SMPD4: variants seen among roughly 807,000 people sequenced by gnomAD.
SMPD4 encodes neutral sphingomyelinase 3.
A neutral mutation model predicts 97.8 loss-of-function variants in SMPD4; 58 were observed. That is an observed-to-expected ratio of 0.59 (90% CI 0.48 to 0.74). The LOEUF (loss-of-function observed/expected upper bound fraction) is 0.74. Ranked by LOEUF, SMPD4 falls within the 30% of genes least tolerant of loss-of-function variation. SMPD4 has a pLI of 0.00. For missense variants in SMPD4, 853 were observed against 1,080.5 expected (o/e 0.79, Z 2.95); for synonymous variants, 388 against 450.0 (o/e 0.86, Z 1.74).
intron 9 of SMPD4, among the ~76,000 whole-genome samples, chr2:130,165,642 T>C (rs1296289907): frequency 1.3e-5 from 2 of 152,202 alleles, no homozygotes; most frequent in East Asian, 3.8e-4. Context: ...ACGCATACTC[T>C]GGGTATGAGA....
chr2:130,156,738 C>A (rs1290965956), intron 12 of SMPD4, 63 bp from the exon 13 acceptor site: 3 of 1,571,988 alleles, frequency 1.9e-6, no homozygotes, highest in Non-Finnish European at 2.6e-6. Context: ...TCACAGATGA[C>A]CCCAGGGCTC....
intron 8 of SMPD4, among the ~76,000 whole-genome samples, chr2:130,168,920 T>C (rs576781254): frequency 2.0e-5 from 3 of 151,986 alleles, no homozygotes; most frequent in Non-Finnish European, 4.4e-5. Context: ...GGGATTTTGC[T>C]ATGTTGCCTG....
chr2:130,160,336 T>C (rs1187030643), intron 11 of SMPD4, among the ~76,000 whole-genome samples: 17 of 152,188 alleles, frequency 1.1e-4, no homozygotes, highest in Non-Finnish European at 2.2e-4. Flanking sequence ...CATTTTCTCA[T>C]CTTATGCTCA....
Position 130,174,955 on chromosome 2 carries a change from A to C in SMPD4, c.85T>G (p.Cys29Gly). 1 of 1,609,698 alleles carries C rather than the reference A, an allele frequency of 6.2e-7. No homozygotes were observed. The highest frequency in any genetic ancestry group is 8.5e-7 in the Non-Finnish European group (1 of 1,176,228). ...TCAATGACTTTAACCAAGTCTTGGCACTGCTGTGCAAAGGGCTTATTTATA... is the reference window on the plus strand; with the variant it reads ...TCAATGACTTTAACCAAGTCTTGGCCCTGCTGTGCAAAGGGCTTATTTATA... ...DSINKPFAQQ[C>G]QDLVKVIEDF... The change falls in exon 3 of 20, where the codon TGC becomes GGC. Residue 29 changes from cysteine to glycine, a missense_variant. Coordinates refer to ENST00000680298, the MANE Select transcript of SMPD4 (RefSeq NM_017951.5).
rs145776229 is a variant in SMPD4 at position 130,156,590 on chromosome 2, T to G, written c.1183A>C (p.Arg395=). The G allele has an allele frequency of 2.4e-3, 3,835 of 1,613,448 alleles. 13 individuals carry two copies. The highest frequency in any genetic ancestry group is 2.1e-3 in the Non-Finnish European group (2,527 of 1,179,722). Residue 395 remains arginine (R), a synonymous_variant, in exon 13 of 20, where the codon AGA becomes CGA. Transcript: ENST00000680298. ...FGHWPLDASF[R]AVLEMWLSYL... ...GTGACGGGGCCAACACTCACAGCTC[T>G]GAACGATGCGTCCAGGGGCCAGTGG...
chr2:130,161,137 G>T (rs1274873924), intron 11 of SMPD4, 49 bp downstream of exon 11: 3 of 1,576,336 alleles, frequency 1.9e-6, no homozygotes, highest in Non-Finnish European at 2.6e-6. Flanking sequence ...GCTTTGCCAG[G>T]CATGGACATG....
At chr2:130,179,222 G>A (rs534853884) in intron 1 of SMPD4, among the ~76,000 whole-genome samples, 2 of 150,484 alleles carry the variant, frequency 1.3e-5, no homozygotes, top group East Asian at 2.0e-4. Flanking sequence ...TTGGGTTCAC[G>A]CCATTCTCCT....
rs781291675 is a variant in SMPD4, at chr2:130,152,867, C to T, written c.2172G>A (p.Ala724=). Residue 724 remains alanine, a synonymous_variant, in exon 20 of 20, where the codon GCG becomes GCA. Coordinates refer to ENST00000680298, the MANE Select transcript of SMPD4 (RefSeq NM_017951.5). ...AINHRFAGQM[A]ALCSRDDFLG... is the part of the protein sequence containing the mutation. ...GGAAGTCATCCCGGGAACACAGAGC[C>T]GCCATCTGTCCTGCAAACTGAAGCA... 3.8e-6 allele frequency: 6 copies of T among 1,584,710 alleles called. No homozygotes were observed. Among genetic ancestry groups the T allele is most frequent in the East Asian group, 2.2e-5 (1 of 44,524 alleles).
chr2:130,165,193 G>A (rs1177872854), intron 9 of SMPD4, among the ~76,000 whole-genome samples: 1 of 151,382 alleles, frequency 6.6e-6, no homozygotes, highest in Non-Finnish European at 1.5e-5. Context: ...GGCCAAGGCA[G>A]GTGGATCACC....
In SMPD4 at chr2:130,151,965, A is replaced by G. The variant is rs1326095735; in HGVS notation, c.*590T>C. On this transcript the variant is annotated 3_prime_UTR_variant, in exon 20 of 20. Transcript: ENST00000680298. Reference sequence around the variant, plus strand: ...TGGGAGGGTCTTAGGCTCCTGAAACATGGAATTCTACGGCCCAGTCTTGGA... The same window carrying G: ...TGGGAGGGTCTTAGGCTCCTGAAACGTGGAATTCTACGGCCCAGTCTTGGA... 6.5e-6 allele frequency: 1 copy of G among 153,128 alleles called. No homozygotes were observed. The highest frequency in any genetic ancestry group is 1.5e-5 in the Non-Finnish European group (1 of 68,442). 9.5% of individuals were successfully genotyped at this position (153,128 alleles called of 1,614,324 possible). A position where few individuals can be genotyped will look rare whatever the true frequency, so the allele number is the denominator to read the frequency against.
intron 4 of SMPD4, 48 bp from the exon 5 acceptor site, chr2:130,173,402 C>G (rs371715128): frequency 6.2e-7 from 1 of 1,605,450 alleles, no homozygotes; most frequent in Non-Finnish European, 8.5e-7. Flanking sequence ...AAATGAACTG[C>G]GAATTATCTT....
chr2:130,153,295 G>T, intron 18 of SMPD4, 24 bp downstream of exon 18: 1 of 1,613,480 alleles, frequency 6.2e-7, no homozygotes, highest in Non-Finnish European at 8.5e-7. Flanking sequence ...CAGCCTGTGC[G>T]CCTCTGAGAC....
intron 1 of SMPD4, among the ~76,000 whole-genome samples, chr2:130,180,516 C>A (rs566534691): frequency 6.6e-6 from 1 of 152,308 alleles, no homozygotes; most frequent in East Asian, 1.9e-4. Context: ...CGTGATCCAC[C>A]CGCCTGGGCC....
intron 8 of SMPD4, among the ~76,000 whole-genome samples, chr2:130,170,187 A>G (rs1451171191): frequency 1.3e-5 from 2 of 152,016 alleles, no homozygotes; most frequent in African/African-American, 4.8e-5. Flanking sequence ...GACCGTCTTT[A>G]AAAATACATA....
Position 130,153,307 on chromosome 2 carries a change from C to T in SMPD4, c.2025+12G>A, listed in dbSNP as rs201205980. ...GCCCAGCCTGTGCGCCTCTGAGACA[C>T]GGGCCTCTCACCTGGTACCGCCCCA... On this transcript the variant is annotated intron_variant, in intron 18 of 19. Coordinates refer to ENST00000680298, the MANE Select transcript of SMPD4 (RefSeq NM_017951.5). 87 of 1,613,548 alleles carry T rather than the reference C, an allele frequency of 5.4e-5. No individual in the cohort carries two copies. In the Middle Eastern group the frequency reaches 1.2e-3, roughly 21 times the overall value.
At chr2:130,179,675 A>G (rs1689312546) in intron 1 of SMPD4, among the ~76,000 whole-genome samples, 2 of 151,330 alleles carry the variant, frequency 1.3e-5, no homozygotes, top group South Asian at 4.2e-4. Context: ...TTCTTTTTTG[A>G]GATGGAGTCT....
chr2:130,154,157 G>A, intron 16 of SMPD4, 120 bp downstream of exon 16: 7 of 1,267,134 alleles, frequency 5.5e-6, no homozygotes, highest in Non-Finnish European at 7.5e-6. Flanking sequence ...GGGGGAAGGA[G>A]ATATGGCGTC....
rs559925495 is a variant in SMPD4, at chr2:130,180,054, C to T, written c.-46+1476G>A. Reference sequence around the variant, plus strand: ...TCTGGGCTCACTGCAAGCTCCGCCTCCCGGGTTCACGCCATTCTCCTGCCT... The same window carrying T: ...TCTGGGCTCACTGCAAGCTCCGCCTTCCGGGTTCACGCCATTCTCCTGCCT... On this transcript the variant is annotated intron_variant, in intron 1 of 19. Transcript: ENST00000680298. Among the ~76,000 whole-genome samples, 37 of 151,298 alleles carry T rather than the reference C, an allele frequency of 2.4e-4. 1 individual carries two copies. In the East Asian group the frequency reaches 6.8e-3, roughly 28 times the overall value.
rs1362234534 is a variant in SMPD4, at chr2:130,155,383, C to T, written c.1290-124G>A. 3.8e-6 allele frequency: 5 copies of T among 1,319,850 alleles called. No individual in the cohort carries two copies. The Admixed American group carries it at 9.0e-5, about 24-fold the overall frequency. 81.8% of individuals were successfully genotyped at this position (1,319,850 alleles called of 1,614,324 possible). A position where few individuals can be genotyped will look rare whatever the true frequency, so the allele number is the denominator to read the frequency against. ...TTCAGACTCTCCTTAGCCAAGGTGA[C>T]AAGCTGTCACAGATGACAGCTCAGG... On this transcript the variant is annotated intron_variant, in intron 14 of 19. Coordinates refer to ENST00000680298, the MANE Select transcript of SMPD4 (RefSeq NM_017951.5).
Sources: gnomAD v4.1 joint callset for allele counts (sites outside exome capture counted in the v4.1 genomes callset) on GRCh38, gnomAD v4.1.1 for gene constraint, MANE v1.5 for transcripts, NCBI Gene and HGNC (gene_info 2026-07-23, HGNC 2026-07-21) for gene names.